The following RBMS3 variants were observed in gnomAD, a reference collection of about 807,000 sequenced individuals.
RBMS3 encodes the protein RNA-binding motif, single-stranded-interacting protein 3.
RBMS3 carries 27 observed loss-of-function variants against 66.8 expected under a neutral mutation model. The observed-to-expected ratio is 0.40, with a 90% CI of 0.30 to 0.56. The LOEUF is 0.56. Ranked by LOEUF, RBMS3 falls within the 20% of genes least tolerant of loss-of-function variation. The probability of loss-of-function intolerance (pLI) is 0.40; values close to 1 mark genes in which losing one functional copy is unlikely to be tolerated. For missense variants in RBMS3, 513 were observed against 549.5 expected (o/e 0.93, Z 0.66); for synonymous variants, 188 against 183.0 (o/e 1.03, Z -0.22).
intron 3 of RBMS3, among the ~76,000 whole-genome samples, chr3:29,521,544 G>A (rs555449345): frequency 8.5e-5 from 13 of 152,290 alleles, no homozygotes; most frequent in South Asian, 2.1e-4. Flanking sequence ...GTTACTGGGA[G>A]TAAACTTTCT....
chr3:29,645,552 G>A lies in RBMS3; in HGVS notation c.399+58347G>A, dbSNP rs140413962. On this transcript the variant is annotated intron_variant, in intron 4 of 14. Transcript: ENST00000383767. ...TCAAACTTTAGTTAAGTCATCATGA[G>A]GCAATGATTCCAAGTTTTGATCCAT... 9.3e-4 allele frequency among the ~76,000 whole-genome samples: 141 copies of A among 152,286 alleles called. 1 individual carries two copies. The East Asian group carries it at 0.024, about 26-fold the overall frequency.
At chr3:29,577,474 A>G (rs989412703) in intron 3 of RBMS3, among the ~76,000 whole-genome samples, 1 of 152,126 alleles carries the variant, frequency 6.6e-6, no homozygotes, top group Non-Finnish European at 1.5e-5. Flanking sequence ...GTCCAGCACT[A>G]GGAGTTGCAT....
At chr3:29,381,952 T>C (rs1163307851) in intron 1 of RBMS3, among the ~76,000 whole-genome samples, 1 of 152,240 alleles carries the variant, frequency 6.6e-6, no homozygotes, top group Admixed American at 6.5e-5. Flanking sequence ...TGTATATCTC[T>C]TTCTTTCCTT....
intron 4 of RBMS3, among the ~76,000 whole-genome samples, chr3:29,600,278 TGGA>T (rs1191477952): frequency 1.3e-5 from 2 of 152,036 alleles, no homozygotes; most frequent in Admixed American, 6.6e-5. Context: ...GGGGCCTAGT[TGGA>T]GGTGTTTGGG....
At chr3:29,583,883 A>G (rs1259629536) in intron 3 of RBMS3, among the ~76,000 whole-genome samples, 2 of 151,614 alleles carry the variant, frequency 1.3e-5, no homozygotes, top group Non-Finnish European at 2.9e-5. Flanking sequence ...TCACACTGGA[A>G]TCAGGTGGGA....
intron 2 of RBMS3, among the ~76,000 whole-genome samples, chr3:29,485,151 A>G (rs2043274983): frequency 1.3e-5 from 2 of 152,324 alleles, no homozygotes; most frequent in South Asian, 4.1e-4. Context: ...ATGTGGAATA[A>G]TCAAGTGTAT....
chr3:29,539,057 T>C (rs1020816492), intron 3 of RBMS3, among the ~76,000 whole-genome samples: 3 of 152,188 alleles, frequency 2.0e-5, no homozygotes, highest in Non-Finnish European at 2.9e-5. Flanking sequence ...ATACAAAGAA[T>C]GAATATAATC....
chr3:29,619,756 A>T (rs568112250), intron 4 of RBMS3, among the ~76,000 whole-genome samples: 3 of 152,174 alleles, frequency 2.0e-5, no homozygotes, highest in African/African-American at 7.2e-5. Context: ...GGTCTATATT[A>T]TTAATAAAGG....
chr3:29,326,709 T>C (rs2125503599), intron 1 of RBMS3, among the ~76,000 whole-genome samples: 1 of 151,878 alleles, frequency 6.6e-6, no homozygotes, highest in African/African-American at 2.4e-5. Flanking sequence ...TATTGAGTAA[T>C]GCTTCAGTCT....
intron 1 of RBMS3, among the ~76,000 whole-genome samples, chr3:29,433,326 G>A (rs560707033): frequency 6.6e-6 from 1 of 152,162 alleles, no homozygotes; most frequent in South Asian, 2.1e-4. Flanking sequence ...CTTCAGATGA[G>A]AACCCAGCCC....
chr3:29,355,383 C>T (rs2037160868), intron 1 of RBMS3, among the ~76,000 whole-genome samples: 1 of 151,962 alleles, frequency 6.6e-6, no homozygotes, highest in African/African-American at 2.4e-5. Context: ...AAAACAACAC[C>T]ATATTTTTCT....
intron 3 of RBMS3, among the ~76,000 whole-genome samples, chr3:29,553,547 C>T (rs2046245752): frequency 2.0e-5 from 3 of 152,060 alleles, no homozygotes; most frequent in South Asian, 4.1e-4. Flanking sequence ...GGCCAGGTGG[C>T]TCTTTTGGGC....
intron 1 of RBMS3, among the ~76,000 whole-genome samples, chr3:29,358,722 T>C (rs2125575327): frequency 6.6e-6 from 1 of 152,318 alleles, no homozygotes. Context: ...TTTATTTGGT[T>C]GAGCAGTGGT....
At chr3:29,416,051 C>T (rs2040465887) in intron 1 of RBMS3, among the ~76,000 whole-genome samples, 1 of 152,102 alleles carries the variant, frequency 6.6e-6, no homozygotes, top group Admixed American at 6.5e-5. Context: ...TTCCTGTGGA[C>T]TATTTAGAAT....
chr3:29,742,577 C>T (rs892691918), intron 5 of RBMS3, among the ~76,000 whole-genome samples: 1 of 152,314 alleles, frequency 6.6e-6, no homozygotes, highest in Middle Eastern at 3.4e-3. Context: ...CGCTGACCTC[C>T]AATCTTTGGC....
intron 12 of RBMS3, among the ~76,000 whole-genome samples, chr3:29,951,743 T>C (rs1370978213): frequency 4.6e-5 from 7 of 151,590 alleles, no homozygotes; most frequent in African/African-American, 1.7e-4. Flanking sequence ...ATAAAAGAAA[T>C]AGTAAGAGAG....
chr3:29,398,753 C>CA (rs2039669202), intron 1 of RBMS3, among the ~76,000 whole-genome samples: 1 of 151,918 alleles, frequency 6.6e-6, no homozygotes, highest in African/African-American at 2.4e-5. Context: ...CCAAGTGATG[C>CA]AAAAAATGTT....
At chr3:29,445,595 C>T (rs1339119581) in intron 2 of RBMS3, among the ~76,000 whole-genome samples, 1 of 151,832 alleles carries the variant, frequency 6.6e-6, no homozygotes, top group Non-Finnish European at 1.5e-5. Flanking sequence ...TTTAGGGGCA[C>T]ACAATAAGAA....
intron 13 of RBMS3, among the ~76,000 whole-genome samples, chr3:29,988,464 A>G (rs1160361692): frequency 6.6e-6 from 1 of 152,228 alleles, no homozygotes; most frequent in East Asian, 1.9e-4. Context: ...ATATTTAGAG[A>G]AAATTCCAGA....
Sources: allele counts gnomAD v4.1 joint callset (sites outside exome capture counted in the v4.1 genomes callset), GRCh38; gene constraint gnomAD v4.1.1; transcripts MANE v1.5; gene names NCBI Gene and HGNC (gene_info 2026-07-23, HGNC 2026-07-21).